CNTN4: variants seen among roughly 807,000 people sequenced by gnomAD.
CNTN4 encodes contactin-4.
Under a neutral mutation model 122.5 loss-of-function variants are expected in CNTN4, and 77 were observed. The ratio of observed to expected loss-of-function variants is 0.63; its 90% CI spans 0.52 to 0.76. The LOEUF (loss-of-function observed/expected upper bound fraction) is 0.76, where lower values mean the gene tolerates loss of function less well. Among genes scored for constraint, CNTN4 ranks in the 30% least tolerant of loss-of-function variants. The pLI is 0.00. For missense variants in CNTN4, 1,256 were observed against 1,259.1 expected (o/e 1.00, Z 0.04); for synonymous variants, 512 against 447.0 (o/e 1.15, Z -1.83).
chr3:2,883,506 T>C (rs1323584683), intron 9 of CNTN4, among the ~76,000 whole-genome samples: 1 of 152,210 alleles, frequency 6.6e-6, no homozygotes, highest in African/African-American at 2.4e-5. Context: ...AAAAGTATTT[T>C]GTTCTATTAT....
At chr3:2,873,566 T>C (rs2093810279) in intron 8 of CNTN4, among the ~76,000 whole-genome samples, 1 of 152,340 alleles carries the variant, frequency 6.6e-6, no homozygotes, top group Middle Eastern at 3.4e-3. Flanking sequence ...TTCTGAAATA[T>C]TCTTGTTGCA....
chr3:2,125,845 A>G (rs927535154), intron 2 of CNTN4, among the ~76,000 whole-genome samples: 1 of 151,614 alleles, frequency 6.6e-6, no homozygotes, highest in African/African-American at 2.4e-5. Flanking sequence ...CGTGAGCCAC[A>G]GCACCAGGCC....
intron 12 of CNTN4, among the ~76,000 whole-genome samples, chr3:2,916,310 A>T (rs545697906): frequency 6.6e-6 from 1 of 151,262 alleles, no homozygotes; most frequent in African/African-American, 2.4e-5. Flanking sequence ...TAAACAAGTG[A>T]ACAAGGGTCT....
intron 3 of CNTN4, among the ~76,000 whole-genome samples, chr3:2,419,382 G>C (rs911883651): frequency 2.6e-5 from 4 of 152,094 alleles, no homozygotes; most frequent in Non-Finnish European, 5.9e-5. Context: ...AAAGAGGTGG[G>C]AGTGGGGAGA....
At position 2,663,870 on chromosome 3, in the gene CNTN4, A is replaced by C. The variant is rs919910839; in HGVS notation, c.56-72345A>C. 4.6e-5 allele frequency among the ~76,000 whole-genome samples: 7 copies of C among 152,344 alleles called. 1 individual carries two copies. Among genetic ancestry groups the C allele is most frequent in the East Asian group, 3.9e-4 (2 of 5,184 alleles). On this transcript the variant is annotated intron_variant, in intron 4 of 24. Transcript: ENST00000418658. ...TACAACAAAGATGAACCTTGAAAAC[A>C]TACTAAGTAAAAGAGTCCTGTCCAA...
At chr3:2,170,268 C>T (rs578071358) in intron 2 of CNTN4, among the ~76,000 whole-genome samples, 5 of 151,606 alleles carry the variant, frequency 3.3e-5, no homozygotes, top group South Asian at 2.1e-4. Context: ...TGCAGTGAGC[C>T]GAGATCGCGC....
At chr3:2,278,011 A>C (rs1246764063) in intron 2 of CNTN4, among the ~76,000 whole-genome samples, 1 of 152,160 alleles carries the variant, frequency 6.6e-6, no homozygotes, top group African/African-American at 2.4e-5. Flanking sequence ...AGAAGGTTGC[A>C]ACTTGTAAAG....
chr3:2,961,896 T>C lies in CNTN4; in HGVS notation c.1359-26449T>C, dbSNP rs151317640. On this transcript the variant is annotated intron_variant, in intron 13 of 24. Coordinates refer to ENST00000418658, the MANE Select transcript of CNTN4 (RefSeq NM_175607.3). The stretch of plus-strand genomic sequence containing the variant: ...GTCTTAACTTCTACAATCCATTTGA[T>C]ACTCAAAATTTTTGTGTTCCTGCTT... Among the ~76,000 whole-genome samples, 97 of 152,374 alleles carry C rather than the reference T, an allele frequency of 6.4e-4. No individual in the cohort carries two copies. The East Asian group carries it at 0.015, about 24-fold the overall frequency.
At chr3:2,998,762 C>A (rs2125377286) in intron 14 of CNTN4, among the ~76,000 whole-genome samples, 1 of 152,200 alleles carries the variant, frequency 6.6e-6, no homozygotes, top group Middle Eastern at 3.4e-3. Context: ...GGGAACACAC[C>A]CATAGCTATT....
rs373493263 is a variant in CNTN4, at chr3:2,776,572, C to T, written c.358+30875C>T. Among the ~76,000 whole-genome samples the T allele has an allele frequency of 2.6e-5, 4 of 152,072 alleles. No homozygotes were observed. The East Asian group carries it at 7.7e-4, about 29-fold the overall frequency. ...GATAGACTATCCATTTTCTTTTACA[C>T]GTGAATTTGTGTGACATGCCCTCTA... On this transcript the variant is annotated intron_variant, in intron 6 of 24. Coordinates refer to ENST00000418658, the MANE Select transcript of CNTN4 (RefSeq NM_175607.3).
At chr3:2,344,567 G>A (rs988419163) in intron 3 of CNTN4, among the ~76,000 whole-genome samples, 1 of 151,986 alleles carries the variant, frequency 6.6e-6, no homozygotes, top group Non-Finnish European at 1.5e-5. Flanking sequence ...CGTGAGCCAC[G>A]GTGCCTGGCC....
intron 4 of CNTN4, among the ~76,000 whole-genome samples, chr3:2,639,329 C>T (rs2082801612): frequency 6.6e-6 from 1 of 152,100 alleles, no homozygotes; most frequent in African/African-American, 2.4e-5. Flanking sequence ...GTTAACATGC[C>T]AGGCTTGCAC....
At chr3:2,810,858 G>T (rs112483894) in intron 6 of CNTN4, among the ~76,000 whole-genome samples, 1,708 of 152,200 alleles carry the variant, frequency 0.011, 43 homozygotes, top group African/African-American at 0.038. Context: ...TGGTATGACC[G>T]AAGAGGGTGA....
At chr3:2,561,223 T>C (rs947278743) in intron 3 of CNTN4, among the ~76,000 whole-genome samples, 1 of 152,194 alleles carries the variant, frequency 6.6e-6, no homozygotes, top group Non-Finnish European at 1.5e-5. Flanking sequence ...GCTGTCTGTA[T>C]GTGCAGCATG....
chr3:2,820,909 A>G (rs2092850743), intron 7 of CNTN4, among the ~76,000 whole-genome samples: 1 of 146,848 alleles, frequency 6.8e-6, no homozygotes, highest in Admixed American at 7.0e-5. Context: ...CTGAAAACCC[A>G]GCTCATAATG....
At chr3:2,599,178 G>C (rs982155637) in intron 4 of CNTN4, among the ~76,000 whole-genome samples, 1 of 151,962 alleles carries the variant, frequency 6.6e-6, no homozygotes, top group Non-Finnish European at 1.5e-5. Flanking sequence ...GTGTAGAGTT[G>C]GAGGTTCGGC....
Position 2,757,393 on chromosome 3 carries a change from C to A in CNTN4, c.358+11696C>A, listed in dbSNP as rs1157743790. On this transcript the variant is annotated intron_variant, in intron 6 of 24. Coordinates refer to ENST00000418658, the MANE Select transcript of CNTN4 (RefSeq NM_175607.3). ...GCCCTGAGTCCCGCTCTCTGGACTT[C>A]TTCCGTTTTCTAGGTCATTTTCCCT... Among the ~76,000 whole-genome samples the A allele has an allele frequency of 2.0e-5, 3 of 152,176 alleles. No homozygotes were observed. In the East Asian group the frequency reaches 5.8e-4, roughly 29 times the overall value.
intron 2 of CNTN4, among the ~76,000 whole-genome samples, chr3:2,182,443 CTACT>C (rs1213798750): frequency 1.3e-4 from 19 of 150,000 alleles, no homozygotes; most frequent in Admixed American, 2.7e-4. Context: ...TATTTCTTCA[CTACT>C]AAATAAGAAA....
At position 2,769,861 on chromosome 3, in the gene CNTN4, C is replaced by G. The variant is rs553705555; in HGVS notation, c.358+24164C>G. On this transcript the variant is annotated intron_variant, in intron 6 of 24. Coordinates refer to ENST00000418658, the MANE Select transcript of CNTN4 (RefSeq NM_175607.3). ...AGATCAAAAATAGCAGCAAGACAGG[C>G]TAACTATCTTCAGGAATCAATGCCA... Among the ~76,000 whole-genome samples, 6 of 152,288 alleles carry G rather than the reference C, an allele frequency of 3.9e-5. No homozygotes were observed. The South Asian group carries it at 1.2e-3, about 32-fold the overall frequency.
Sources: gnomAD v4.1 joint callset for allele counts (sites outside exome capture counted in the v4.1 genomes callset) on GRCh38, gnomAD v4.1.1 for gene constraint, MANE v1.5 for transcripts, NCBI Gene and HGNC (gene_info 2026-07-23, HGNC 2026-07-21) for gene names.